Variants in TTLL11 observed in about 807,000 individuals in gnomAD.
The protein encoded by TTLL11 is tubulin tyrosine ligase like 11, also known as tubulin polyglutamylase TTLL11.
A neutral mutation model predicts 51.7 loss-of-function variants in TTLL11; 42 were observed. The ratio of observed to expected loss-of-function variants is 0.81; its 90% CI spans 0.64 to 1.05. The LOEUF (loss-of-function observed/expected upper bound fraction) is 1.05. Ranked by LOEUF, TTLL11 falls within the 50% of genes least tolerant of loss-of-function variation. The pLI is 0.00. For missense variants in TTLL11, 799 were observed against 940.4 expected (o/e 0.85, Z 1.97); for synonymous variants, 381 against 383.5 (o/e 0.99, Z 0.08).
At chr9:121,826,503 A>G (rs1420188716) in intron 8 of TTLL11, among the ~76,000 whole-genome samples, 1,458 of 56,798 alleles carry the variant, frequency 0.026, 34 homozygotes, top group African/African-American at 0.047. Flanking sequence ...ATGTGTGTGT[A>G]TATATATATA....
chr9:121,955,125 G>A (rs1233808565), intron 6 of TTLL11, among the ~76,000 whole-genome samples: 3 of 152,164 alleles, frequency 2.0e-5, no homozygotes, highest in South Asian at 2.1e-4. Context: ...GGTGCAAATC[G>A]AACAAATGTT....
chr9:121,978,129 T>C (rs1166836516), intron 4 of TTLL11, among the ~76,000 whole-genome samples: 1 of 152,212 alleles, frequency 6.6e-6, no homozygotes, highest in Admixed American at 6.5e-5. Flanking sequence ...GCTTGATACA[T>C]AGAAAGTGCT....
At chr9:121,922,830 G>C (rs116901183) in intron 6 of TTLL11, among the ~76,000 whole-genome samples, 2,021 of 151,848 alleles carry the variant, frequency 0.013, 26 homozygotes, top group Admixed American at 0.038. Context: ...CAAAGGTTAA[G>C]TGGACAAGGG....
chr9:121,859,610 CA>C (rs1173427420), intron 8 of TTLL11, among the ~76,000 whole-genome samples: 3 of 152,226 alleles, frequency 2.0e-5, no homozygotes, highest in African/African-American at 4.8e-5. Flanking sequence ...AACCCTTCAC[CA>C]CAGAACCTAG....
intron 2 of TTLL11, among the ~76,000 whole-genome samples, chr9:122,032,258 G>C (rs776947621): frequency 3.3e-5 from 5 of 152,054 alleles, no homozygotes; most frequent in Non-Finnish European, 7.4e-5. Flanking sequence ...TTGTACCCTA[G>C]AGAATATCAT....
intron 2 of TTLL11, among the ~76,000 whole-genome samples, chr9:122,032,932 C>G (rs1844595735): frequency 6.6e-6 from 1 of 151,248 alleles, no homozygotes; most frequent in African/African-American, 2.4e-5. Context: ...GTAGCTGGGA[C>G]TACAGGTGTG....
At position 122,074,471 on chromosome 9, in the gene TTLL11, T is replaced by C. The variant is rs118086832; in HGVS notation, c.462+18216A>G. Among the ~76,000 whole-genome samples the C allele has an allele frequency of 3.0e-4, 46 of 152,354 alleles. 1 individual carries two copies. In the East Asian group the frequency reaches 7.7e-3, roughly 26 times the overall value. On this transcript the variant is annotated intron_variant, in intron 1 of 8. Coordinates refer to ENST00000321582, the MANE Select transcript of TTLL11 (RefSeq NM_001139442.2). ...TTAAACTGGGAATTGAGAAATATTT[T>C]GGTTTTGTAAACTAACATCAGATGA...
At chr9:121,961,462 T>G (rs930002160) in intron 6 of TTLL11, among the ~76,000 whole-genome samples, 3 of 152,034 alleles carry the variant, frequency 2.0e-5, no homozygotes, top group African/African-American at 7.2e-5. Flanking sequence ...TCTGCCCTAT[T>G]TATGGTGATA....
At chr9:122,070,038 C>T (rs966491775) in intron 1 of TTLL11, among the ~76,000 whole-genome samples, 5 of 152,012 alleles carry the variant, frequency 3.3e-5, no homozygotes, top group African/African-American at 1.2e-4. Flanking sequence ...CACACCAGAA[C>T]ACTATCTCTG....
At chr9:121,941,751 C>T (rs913202595) in intron 6 of TTLL11, among the ~76,000 whole-genome samples, 2 of 152,164 alleles carry the variant, frequency 1.3e-5, no homozygotes, top group African/African-American at 2.4e-5. Context: ...TGCTCATCTT[C>T]GGGACTGTCC....
intron 6 of TTLL11, among the ~76,000 whole-genome samples, chr9:121,878,226 C>T (rs934506518): frequency 4.6e-5 from 7 of 152,272 alleles, no homozygotes; most frequent in Admixed American, 2.0e-4. Context: ...TAGCACAAAA[C>T]GGCCACATTG....
chr9:122,038,077 C>A (rs1386465903), intron 2 of TTLL11, among the ~76,000 whole-genome samples: 1 of 152,100 alleles, frequency 6.6e-6, no homozygotes, highest in East Asian at 1.9e-4. Context: ...ACTAGGACTG[C>A]AACCATGCAA....
In TTLL11 at chr9:121,989,818, G is replaced by T; in HGVS notation, c.694-48C>A. On this transcript the variant is annotated intron_variant, in intron 3 of 8. Coordinates refer to ENST00000321582, the MANE Select transcript of TTLL11 (RefSeq NM_001139442.2). The surrounding 1 kb of genome is among the most constrained non-coding windows in gnomAD (Gnocchi z 4.2). The stretch of plus-strand genomic sequence containing the variant: ...CCGACATTATATTGTTTTCCCTCTG[G>T]ATCCCTAACACAGAGCAAGGCCTTA... The T allele has an allele frequency of 4.5e-6, 7 of 1,545,652 alleles. No individual in the cohort carries two copies. The highest frequency in any genetic ancestry group is 6.1e-6 in the Non-Finnish European group (7 of 1,148,742).
At chr9:121,935,206 C>T (rs578063610) in intron 6 of TTLL11, among the ~76,000 whole-genome samples, 81 of 152,260 alleles carry the variant, frequency 5.3e-4, no homozygotes, top group African/African-American at 1.9e-3. Flanking sequence ...ATCCGCCCGC[C>T]TCGGCCTCCC....
intron 6 of TTLL11, among the ~76,000 whole-genome samples, chr9:121,927,001 T>C (rs2131541345): frequency 6.6e-6 from 1 of 152,274 alleles, no homozygotes; most frequent in South Asian, 2.1e-4. Context: ...GGGCCCCTTT[T>C]ATAAAGGCAT....
intron 1 of TTLL11, among the ~76,000 whole-genome samples, chr9:122,087,990 A>C (rs1052079290): frequency 1.3e-5 from 2 of 152,206 alleles, no homozygotes; most frequent in Admixed American, 6.5e-5. Context: ...GACGCAGTTA[A>C]ATTAGACCTG....
chr9:121,880,072 C>T (rs976138659), intron 6 of TTLL11, among the ~76,000 whole-genome samples: 3 of 152,220 alleles, frequency 2.0e-5, no homozygotes, highest in Non-Finnish European at 4.4e-5. Context: ...AAAGCTCAGA[C>T]TCTTCTAGCC....
chr9:122,066,241 G>C, intron 1 of TTLL11, among the ~76,000 whole-genome samples: 1 of 146,506 alleles, frequency 6.8e-6, no homozygotes, highest in East Asian at 1.9e-4. Context: ...TGGTGGTGGT[G>C]GTAGGCTTGT....
chr9:121,858,120 C>T (rs142223716), intron 8 of TTLL11, among the ~76,000 whole-genome samples: 195 of 152,362 alleles, frequency 1.3e-3, no homozygotes, highest in African/African-American at 4.3e-3. Flanking sequence ...CTCCTGAAGA[C>T]GCTCCATCTC....
Sources: gnomAD v4.1 joint callset for allele counts (sites outside exome capture counted in the v4.1 genomes callset) on GRCh38, gnomAD v4.1.1 for gene constraint, Gnocchi (gnomAD v3.1) non-coding constraint, MANE v1.5 for transcripts, NCBI Gene and HGNC (gene_info 2026-07-23, HGNC 2026-07-21) for gene names.